ASB15: variants seen among roughly 807,000 people sequenced by gnomAD.
ASB15 encodes the protein ankyrin repeat and SOCS box protein 15.
ASB15 carries 54 observed loss-of-function variants against 58.0 expected under a neutral mutation model. The observed-to-expected ratio is 0.93, with a 90% CI of 0.75 to 1.17. The LOEUF (loss-of-function observed/expected upper bound fraction) is 1.17. Ranked by LOEUF, ASB15 falls within the 50% of genes most tolerant of loss-of-function variation. The pLI is 0.00. For synonymous variants in ASB15, 249 were observed against 262.4 expected (o/e 0.95, Z 0.50); for missense variants, 680 against 707.4 (o/e 0.96, Z 0.44).
intron 3 of ASB15, among the ~76,000 whole-genome samples, chr7:123,611,016 G>A (rs778460843): frequency 6.7e-6 from 1 of 149,672 alleles, no homozygotes; most frequent in African/African-American, 2.5e-5. Context: ...CAGCAGGCGG[G>A]AGGTTGCAGT....
chr7:123,609,670 G>A (rs1160926059), intron 3 of ASB15, among the ~76,000 whole-genome samples: 1 of 152,224 alleles, frequency 6.6e-6, no homozygotes, highest in East Asian at 1.9e-4. Flanking sequence ...AATACATGAG[G>A]AAGAAAGTTG....
chr7:123,576,351 G>A (rs1251174970), intron 1 of ASB15, among the ~76,000 whole-genome samples: 1 of 151,540 alleles, frequency 6.6e-6, no homozygotes, highest in Non-Finnish European at 1.5e-5. Flanking sequence ...TGTTGTTGTT[G>A]TTTTAATTAA....
At chr7:123,575,663 T>A (rs1395488137) in intron 1 of ASB15, among the ~76,000 whole-genome samples, 1 of 152,108 alleles carries the variant, frequency 6.6e-6, no homozygotes, top group African/African-American at 2.4e-5. Context: ...GTAACCTTTA[T>A]CTTTGAAGGA....
intron 11 of ASB15, among the ~76,000 whole-genome samples, chr7:123,634,536 G>A (rs1278746891): frequency 6.6e-6 from 1 of 151,960 alleles, no homozygotes; most frequent in East Asian, 1.9e-4. Context: ...CTTTACAATA[G>A]GATGTTTTAT....
At chr7:123,569,024 T>G (rs1426219649) in intron 1 of ASB15, among the ~76,000 whole-genome samples, 2 of 152,196 alleles carry the variant, frequency 1.3e-5, no homozygotes, top group Non-Finnish European at 2.9e-5. Context: ...ATATGAATGT[T>G]TTTTAAAAAC....
At chr7:123,600,284 G>T (rs962466339), upstream of ASB15, among the ~76,000 whole-genome samples, 2 of 151,976 alleles carry the variant, frequency 1.3e-5, no homozygotes, top group African/African-American at 4.8e-5. Context: ...ATCTTATTTT[G>T]GCTTTTCTAT....
intron 9 of ASB15, 139 bp from the exon 10 acceptor site, chr7:123,628,725 T>G: frequency 5.5e-6 from 3 of 549,276 alleles, no homozygotes; most frequent in Non-Finnish European, 9.0e-6. Flanking sequence ...AGACAAAGGT[T>G]AAATGTTTCA....
chr7:123,579,058 C>G (rs532090154), intron 1 of ASB15, among the ~76,000 whole-genome samples: 1 of 152,146 alleles, frequency 6.6e-6, no homozygotes, highest in East Asian at 1.9e-4. Flanking sequence ...GCCCCTCTCG[C>G]TCCCTCCTTC....
chr7:123,581,142 C>A (rs1043662057), intron 1 of ASB15, among the ~76,000 whole-genome samples: 2 of 151,664 alleles, frequency 1.3e-5, no homozygotes, highest in Non-Finnish European at 2.9e-5. Context: ...CAGCTCTTTG[C>A]GGAGGAGGAG....
intron 1 of ASB15, among the ~76,000 whole-genome samples, chr7:123,584,679 T>C (rs80339970): frequency 6.6e-6 from 1 of 151,830 alleles, no homozygotes; most frequent in Non-Finnish European, 1.5e-5. Flanking sequence ...TAAAAATAAA[T>C]ATACAAAGAC....
intron 7 of ASB15, among the ~76,000 whole-genome samples, chr7:123,621,782 T>G (rs1460505766): frequency 2.0e-5 from 3 of 152,188 alleles, no homozygotes; most frequent in Non-Finnish European, 2.9e-5. Flanking sequence ...ATATCTGATT[T>G]GTGATGATCT....
At chr7:123,620,525 TA>T (rs1801191373) in intron 7 of ASB15, among the ~76,000 whole-genome samples, 8 of 16,374 alleles carry the variant, frequency 4.9e-4, no homozygotes, top group South Asian at 1.9e-3. Flanking sequence ...TATATATATA[TA>T]TATATATATA....
At chr7:123,602,091 A>T (rs954120413) in intron 1 of ASB15, among the ~76,000 whole-genome samples, 177 bp downstream of exon 1, 2 of 152,186 alleles carry the variant, frequency 1.3e-5, no homozygotes, top group African/African-American at 4.8e-5. Context: ...GACTAAAGCT[A>T]GAATTTGTTT....
At chr7:123,572,658 C>T (rs12671023) in intron 1 of ASB15, among the ~76,000 whole-genome samples, 72,386 of 150,880 alleles carry the variant, frequency 0.48, 17,380 homozygotes, top group African/African-American at 0.51. Flanking sequence ...TATTACCCCA[C>T]GGTTTTTTGT....
chr7:123,635,099 T>A (rs141336911), intron 11 of ASB15, among the ~76,000 whole-genome samples: 20 of 152,258 alleles, frequency 1.3e-4, no homozygotes, highest in African/African-American at 4.3e-4. Flanking sequence ...ATAGCAAAAA[T>A]TTTAAAAATG....
chr7:123,612,844 C>T (rs922638486), intron 3 of ASB15, among the ~76,000 whole-genome samples: 10 of 152,140 alleles, frequency 6.6e-5, no homozygotes, highest in African/African-American at 2.2e-4. Context: ...CTTCTCTTGG[C>T]ACTGAGATCA....
intron 1 of ASB15, among the ~76,000 whole-genome samples, chr7:123,584,168 G>C (rs1400783325): frequency 3.3e-5 from 5 of 151,840 alleles, no homozygotes; most frequent in African/African-American, 1.2e-4. Context: ...AACCTTTCTT[G>C]TTAGACTTTG....
Position 123,627,124 on chromosome 7 carries a change from G to C in ASB15, c.712G>C (p.Ala238Pro). 6.2e-7 allele frequency: 1 copy of C among 1,613,214 alleles called. No homozygotes were observed. Among genetic ancestry groups the C allele is most frequent in the Non-Finnish European group, 8.5e-7 (1 of 1,179,478 alleles). ...HLIHKGGDVL[A>P]LADDGASVLF... Reference sequence around the variant, plus strand: ...TATACTGCCAGGTGGTGATGTGCTTGCTTTGGCGGATGATGGGGCGTCGGT... The same window carrying C: ...TATACTGCCAGGTGGTGATGTGCTTCCTTTGGCGGATGATGGGGCGTCGGT... Residue 238 changes from alanine to proline, a missense_variant, in exon 9 of 12, where the codon GCT (alanine) becomes CCT (proline). Transcript: ENST00000451215.
At chr7:123,597,767 G>T (rs1052777809), upstream of ASB15, among the ~76,000 whole-genome samples, 2 of 152,098 alleles carry the variant, frequency 1.3e-5, no homozygotes, top group East Asian at 3.9e-4. Context: ...GGAGGCAGAG[G>T]TTGCAGTGAG....
Sources: allele counts gnomAD v4.1 joint callset (sites outside exome capture counted in the v4.1 genomes callset), GRCh38; gene constraint gnomAD v4.1.1; transcripts MANE v1.5; gene names NCBI Gene and HGNC (gene_info 2026-07-23, HGNC 2026-07-21).